SAFB2: variants seen among roughly 807,000 people sequenced by gnomAD.
The protein encoded by SAFB2 is scaffold attachment factor B2.
SAFB2 carries 32 observed loss-of-function variants against 100.6 expected under a neutral mutation model. That is an observed-to-expected ratio of 0.32 (90% CI 0.24 to 0.43). The LOEUF is 0.43. Among genes scored for constraint, SAFB2 ranks in the 20% least tolerant of loss-of-function variants. The pLI, the probability that SAFB2 is intolerant of heterozygous loss-of-function variation, is 1.00. For synonymous variants in SAFB2, 500 were observed against 439.4 expected, an observed-to-expected ratio of 1.14 and a Z score of -1.72; for missense variants, 1,185 against 1,163.4, an observed-to-expected ratio of 1.02 and a Z score of -0.27.
chr19:5,622,517 C>G lies in SAFB2; in HGVS notation c.186+13G>C, dbSNP rs779557696. 2.5e-6 allele frequency: 4 copies of G among 1,592,726 alleles called. No individual in the cohort carries two copies. Among genetic ancestry groups the G allele is most frequent in the Admixed American group, 1.7e-5 (1 of 58,610 alleles). On this transcript the variant is annotated intron_variant, in intron 1 of 20. Coordinates refer to ENST00000252542, the MANE Select transcript of SAFB2 (RefSeq NM_014649.3). ...GGCCTCCTGCGCCACCCCCGAGCCC[C>G]GCGCCGCCTCACCTTCTTGAGCCGC...
At chr19:5,607,212 G>A (rs190696735) in intron 9 of SAFB2, among the ~76,000 whole-genome samples, 1 of 152,238 alleles carries the variant, frequency 6.6e-6, no homozygotes, top group African/African-American at 2.4e-5. Flanking sequence ...AGTGAGCCGA[G>A]ATCGCGCCAC....
At position 5,587,930 on chromosome 19, in the gene SAFB2, G is replaced by A; in HGVS notation, c.2576C>T (p.Ala859Val). The change falls in exon 19 of 21, where the codon GCA (alanine) becomes GTA (valine). Residue 859 changes from alanine (A) to valine (V), a missense_variant. Ala to Val is a moderately conservative substitution (Grantham distance 64). Around this residue, in one of 3 missense-constraint regions of SAFB2, gnomAD observed 740 missense variants for 687.1 expected, o/e 1.08. Transcript: ENST00000252542. This position sits in a 1 kb window ranked among gnomAD's most constrained non-coding sequence, Gnocchi z 4.9. ...EHNQRLEEHQARAWQGAMDAG... is the reference protein window; with the variant it reads ...EHNQRLEEHQVRAWQGAMDAG... ...GTCCATGGCACCCTGCCAGGCGCGT[G>A]CCTGGTGCTCCTCTAGCCGCTGGTT... is the stretch of plus-strand genomic sequence containing the variant. The A allele has an allele frequency of 1.2e-6, 2 of 1,612,746 alleles. No homozygotes were observed. Among genetic ancestry groups the A allele is most frequent in the Non-Finnish European group, 1.7e-6 (2 of 1,179,852 alleles).
chr19:5,610,590 A>C lies in SAFB2; in HGVS notation c.1195+49T>G, dbSNP rs116037744. The C allele has an allele frequency of 1.4e-5, 20 of 1,402,828 alleles. No homozygotes were observed. In the East Asian group the frequency reaches 4.6e-4, roughly 32 times the overall value. 86.9% of individuals were successfully genotyped at this position (1,402,828 alleles called of 1,614,324 possible). A position where few individuals can be genotyped will look rare whatever the true frequency, so the allele number is the denominator to read the frequency against. On this transcript the variant is annotated intron_variant, in intron 8 of 20. Coordinates refer to ENST00000252542, the MANE Select transcript of SAFB2 (RefSeq NM_014649.3). The stretch of plus-strand genomic sequence containing the variant: ...GTATATCTCCAGGCCCCTCCTCCCA[A>C]AATAAGGGAACCATACCTGGCTCCC...
At chr19:5,616,616 A>G in intron 2 of SAFB2, 130 bp from the exon 3 acceptor site, 1 of 705,696 alleles carries the variant, frequency 1.4e-6, no homozygotes, top group Non-Finnish European at 2.4e-6. Flanking sequence ...CTCTCCTGTC[A>G]CACGTAATTT....
intron 6 of SAFB2, 22 bp downstream of exon 6, chr19:5,612,518 G>C (rs1342355782): frequency 6.2e-7 from 1 of 1,606,540 alleles, no homozygotes; most frequent in Non-Finnish European, 8.5e-7. Context: ...AACCATAACT[G>C]TCGTGTTTCT....
At position 5,593,762 on chromosome 19, in the gene SAFB2, G is replaced by A. The variant is rs1024160111; in HGVS notation, c.2207+129C>T. 1.1e-3 allele frequency: 1,148 copies of A among 1,036,852 alleles called. 1 individual carries two copies. The highest frequency in any genetic ancestry group is 1.4e-3 in the Non-Finnish European group (1,046 of 763,232). The allele number at this position is 1,036,852 out of a possible 1,614,324, so 64.2% of individuals were successfully genotyped here. On this transcript the variant is annotated intron_variant, in intron 15 of 20. Coordinates refer to ENST00000252542, the MANE Select transcript of SAFB2 (RefSeq NM_014649.3). ...GTGAGATCGGCGGGGGGTCCCCAAG[G>A]CGCATGCTCCATATCAAATTTCATT...
At chr19:5,619,066 T>G (rs945324050) in intron 2 of SAFB2, among the ~76,000 whole-genome samples, 7 of 152,222 alleles carry the variant, frequency 4.6e-5, no homozygotes, top group Non-Finnish European at 1.0e-4. Context: ...AGTCCAACTT[T>G]GGACTCAACT....
At chr19:5,601,807 C>T (rs2052665166) in intron 11 of SAFB2, among the ~76,000 whole-genome samples, 1 of 152,174 alleles carries the variant, frequency 6.6e-6, no homozygotes, top group African/African-American at 2.4e-5. Context: ...ACTCCTTTCA[C>T]CTGCTGCACA....
rs1356421075 is a variant in SAFB2, at chr19:5,618,810, C to T, written c.275-2324G>A. Among the ~76,000 whole-genome samples the T allele has an allele frequency of 3.9e-5, 6 of 152,314 alleles. No homozygotes were observed. The East Asian group carries it at 1.2e-3, about 29-fold the overall frequency. On this transcript the variant is annotated intron_variant, in intron 2 of 20. Coordinates refer to ENST00000252542, the MANE Select transcript of SAFB2 (RefSeq NM_014649.3). ...CCCAATCCCCGGCACCTGGCATTGG[C>T]CAACGAAAAGCTGCCGCTGCTGGGG...
chr19:5,617,961 A>C (rs2053067131), intron 2 of SAFB2, among the ~76,000 whole-genome samples: 2 of 152,112 alleles, frequency 1.3e-5, no homozygotes, highest in Admixed American at 6.6e-5. Context: ...CGGGCAACAA[A>C]GTGAGACCCC....
Position 5,594,070 on chromosome 19 carries a change from C to A in SAFB2, c.2028G>T (p.Arg676=). 1.9e-6 allele frequency: 3 copies of A among 1,593,592 alleles called. No individual in the cohort carries two copies. The highest frequency in any genetic ancestry group is 2.6e-6 in the Non-Finnish European group (3 of 1,175,100). ...CCCGCTCCATGCGCTCCCGCTCCAG[C>A]CGCTGGCGCTGGCACTCGAGCTGCA... The part of the protein sequence containing the change: ...ERLQLECQRQ[R]LERERMERER... Residue 676 remains arginine (R), a synonymous_variant, in exon 15 of 21, where the codon CGG becomes CGT. Coordinates refer to ENST00000252542, the MANE Select transcript of SAFB2 (RefSeq NM_014649.3).
intron 5 of SAFB2, 65 bp downstream of exon 5, chr19:5,613,400 T>C: frequency 7.1e-7 from 1 of 1,402,574 alleles, no homozygotes; most frequent in Non-Finnish European, 1.0e-6. Context: ...ACACTGCTCT[T>C]TCATTATGGA....
intron 2 of SAFB2, among the ~76,000 whole-genome samples, chr19:5,616,819 T>C (rs1188199187): frequency 6.6e-6 from 1 of 151,970 alleles, no homozygotes; most frequent in Non-Finnish European, 1.5e-5. Flanking sequence ...GCCCAGCTTA[T>C]TTTTGTATTT....
Position 5,613,499 on chromosome 19 carries a change from A to T in SAFB2, c.572T>A (p.Leu191Ter). ...TTTGAAGTTCAACGATGAAGTTTCC[A>T]AAGTGTTCTTAAATCCTTCCCCATC... is the stretch of plus-strand genomic sequence containing the variant. ...AVDGEGFKNT[L>*]ETSSLNFKVT... The change falls in exon 5 of 21, where the codon TTG becomes TAG. Residue 191 changes from leucine (L) to a stop codon, truncating the protein, a stop_gained. Transcript: ENST00000252542. LOFTEE classifies it high-confidence loss of function. 1 of 1,614,098 alleles carries T rather than the reference A, an allele frequency of 6.2e-7. No homozygotes were observed. Among genetic ancestry groups the T allele is most frequent in the Non-Finnish European group, 8.5e-7 (1 of 1,179,946 alleles).
chr19:5,604,492 T>C, intron 11 of SAFB2, 91 bp downstream of exon 11: 1 of 880,094 alleles, frequency 1.1e-6, no homozygotes, highest in Admixed American at 2.2e-5. Context: ...TGGGTACAGG[T>C]GGGGACAGAT....
At chr19:5,595,279 G>T (rs2052511943) in intron 14 of SAFB2, 82 bp downstream of exon 14, 7 of 1,530,194 alleles carry the variant, frequency 4.6e-6, no homozygotes, top group African/African-American at 1.4e-5. Flanking sequence ...CACACAGACT[G>T]CGCACTCCAA....
intron 17 of SAFB2, 98 bp from the exon 18 acceptor site, chr19:5,590,506 T>C: frequency 2.2e-6 from 3 of 1,372,752 alleles, no homozygotes; most frequent in Non-Finnish European, 2.9e-6. Flanking sequence ...GGGTGGCAGG[T>C]GGGGCGGAGC....
At chr19:5,618,555 G>A (rs2053080798) in intron 2 of SAFB2, among the ~76,000 whole-genome samples, 1 of 152,242 alleles carries the variant, frequency 6.6e-6, no homozygotes, top group Non-Finnish European at 1.5e-5. Context: ...TTTGACACGA[G>A]AATTTGGTTG....
chr19:5,591,913 C>A, intron 16 of SAFB2, 120 bp from the exon 17 acceptor site: 1 of 961,396 alleles, frequency 1.0e-6, no homozygotes, highest in South Asian at 1.5e-5. Flanking sequence ...CTATAACTGG[C>A]CTGGGAAAAA....
Sources: allele counts gnomAD v4.1 joint callset (sites outside exome capture counted in the v4.1 genomes callset), GRCh38; gene constraint gnomAD v4.1.1; regional missense constraint gnomAD v4.1.1; non-coding constraint Gnocchi (gnomAD v3.1); transcripts MANE v1.5; gene names NCBI Gene and HGNC (gene_info 2026-07-23, HGNC 2026-07-21).